The following SREK1 variants were observed in gnomAD, a reference collection of about 807,000 sequenced individuals.
SREK1 encodes the protein splicing regulatory glutamic acid and lysine rich protein 1.
A neutral mutation model predicts 66.5 loss-of-function variants in SREK1; 13 were observed. That is an observed-to-expected ratio of 0.20 (90% confidence interval 0.13 to 0.31). SREK1 has a LOEUF of 0.31. Ranked by LOEUF, SREK1 falls within the 10% of genes least tolerant of loss-of-function variation. The pLI is 1.00. For synonymous variants in SREK1, 265 were observed against 263.5 expected (o/e 1.01, Z -0.05); for missense variants, 607 against 769.6 (o/e 0.79, Z 2.50).
chr5:66,157,355 T>C (rs1744372405), intron 2 of SREK1: 5 of 982,996 alleles, frequency 5.1e-6, no homozygotes, highest in Non-Finnish European at 6.0e-6. Context: ...ATAGGTAGTT[T>C]TACTTATTAA....
chr5:66,170,125 C>G lies in SREK1; in HGVS notation c.1076C>G (p.Ser359Cys), dbSNP rs1745506631. ...RRSKSPHKKR[S>C]KSRERRKSRS... ...TCTAAGAGCCCACATAAAAAACGCT[C>G]TAAATCAAGGGAGAGACGGAAGTCA... Residue 359 changes from serine to cysteine, a missense_variant, in exon 8 of 12, where the codon TCT becomes TGT. Physicochemically the swap from Ser to Cys is moderately radical, Grantham distance 112. Coordinates refer to ENST00000334121, the MANE Select transcript of SREK1 (RefSeq NM_001077199.3). 1 of 1,613,036 alleles carries G rather than the reference C, an allele frequency of 6.2e-7. No homozygotes were observed. The highest frequency in any genetic ancestry group is 1.1e-5 in the South Asian group (1 of 90,912).
At chr5:66,151,222 G>A (rs1287830797) in intron 1 of SREK1, among the ~76,000 whole-genome samples, 1 of 152,146 alleles carries the variant, frequency 6.6e-6, no homozygotes, top group African/African-American at 2.4e-5. Flanking sequence ...AAGTTGATGA[G>A]TCCCAGCCAT....
rs779368425 is a variant in SREK1, at chr5:66,153,607, C to G, written c.295+11C>G. 1 of 1,613,756 alleles carries G rather than the reference C, an allele frequency of 6.2e-7. No homozygotes were observed. Among genetic ancestry groups the G allele is most frequent in the Non-Finnish European group, 8.5e-7 (1 of 1,179,872 alleles). On this transcript the variant is annotated intron_variant, in intron 2 of 11. Coordinates refer to ENST00000334121, the MANE Select transcript of SREK1 (RefSeq NM_001077199.3). ...TTCCTTGTGCAGAAGGTTGGTATCTCGCTTTTTTTCCTCTTATTTGAATTT... is the reference window on the plus strand; with the variant it reads ...TTCCTTGTGCAGAAGGTTGGTATCTGGCTTTTTTTCCTCTTATTTGAATTT...
chr5:66,153,368 A>G, intron 1 of SREK1, 95 bp from the exon 2 acceptor site: 2 of 1,475,930 alleles, frequency 1.4e-6, no homozygotes, highest in Non-Finnish European at 9.1e-7. Context: ...TTAATTTCGT[A>G]AGATTATGTA....
chr5:66,147,193 T>C (rs909650522), intron 1 of SREK1, among the ~76,000 whole-genome samples: 2 of 152,254 alleles, frequency 1.3e-5, no homozygotes, highest in African/African-American at 4.8e-5. Context: ...TAGGGAATTC[T>C]TGTGAACATT....
intron 11 of SREK1, among the ~76,000 whole-genome samples, chr5:66,178,432 C>G (rs547561856): frequency 6.6e-6 from 1 of 152,060 alleles, no homozygotes; most frequent in African/African-American, 2.4e-5. Flanking sequence ...TTCACTCTTT[C>G]AATAGATCTG....
Position 66,170,786 on chromosome 5 carries a change from T to C in SREK1, c.1323T>C (p.His441=), listed in dbSNP as rs894401732. The C allele has an allele frequency of 1.2e-6, 2 of 1,603,938 alleles. No homozygotes were observed. Among genetic ancestry groups the C allele is most frequent in the African/African-American group, 1.4e-5 (1 of 73,482 alleles). Residue 441 remains histidine, a synonymous_variant, in exon 9 of 12, where the codon CAT becomes CAC. Transcript: ENST00000334121. ...KDREREREKE[H]EKDRDKEKEK... ...GAGAGAGAGAACGGGAAAAAGAGCA[T>C]GAGAAGGATCGAGACAAAGAGAAGG...
intron 5 of SREK1, chr5:66,163,155 A>G (rs1377507236): frequency 1.3e-5 from 2 of 152,196 alleles, no homozygotes; most frequent in Non-Finnish European, 2.9e-5. Flanking sequence ...TGAATTTCAT[A>G]GATTGCTTTA....
chr5:66,147,181 G>A (rs1743314188), intron 1 of SREK1, among the ~76,000 whole-genome samples: 2 of 152,096 alleles, frequency 1.3e-5, no homozygotes, highest in African/African-American at 2.4e-5. Flanking sequence ...ATTTTTTAAG[G>A]CTAGGGAATT....
At chr5:66,145,883 C>T (rs1743149884) in intron 1 of SREK1, among the ~76,000 whole-genome samples, 1 of 150,806 alleles carries the variant, frequency 6.6e-6, no homozygotes, top group African/African-American at 2.4e-5. Context: ...TTTAAAGATT[C>T]TAAAGTCGTG....
At chr5:66,156,120 G>C in intron 2 of SREK1, 1 of 1,483,476 alleles carries the variant, frequency 6.7e-7, no homozygotes, top group Non-Finnish European at 8.9e-7. Context: ...GGCATTGTTT[G>C]CCATGCCACT....
At chr5:66,146,232 A>G (rs954064896) in intron 1 of SREK1, among the ~76,000 whole-genome samples, 1 of 152,168 alleles carries the variant, frequency 6.6e-6, no homozygotes, top group Non-Finnish European at 1.5e-5. Context: ...ATTGGAATCA[A>G]TCAGTAAAAT....
intron 9 of SREK1, 115 bp downstream of exon 9, chr5:66,171,062 A>G (rs2112080490): frequency 7.9e-7 from 1 of 1,265,984 alleles, no homozygotes. Flanking sequence ...AAAGTAATAT[A>G]AGAACATTTT....
chr5:66,162,103 C>T lies in SREK1; in HGVS notation c.412-6C>T, dbSNP rs569530351. 23 of 1,601,592 alleles carry T rather than the reference C, an allele frequency of 1.4e-5. No homozygotes were observed. The highest frequency in any genetic ancestry group is 7.0e-5 in the Admixed American group (4 of 57,092). On this transcript the variant is annotated splice_polypyrimidine_tract_variant and splice_region_variant and intron_variant, in intron 3 of 11. Coordinates refer to ENST00000334121, the MANE Select transcript of SREK1 (RefSeq NM_001077199.3). ...GTTCTGTGTGTTTTTTTTCTTCTTT[C>T]GATAGCTTGGTGTTTCACTTAGCAG...
intron 11 of SREK1, among the ~76,000 whole-genome samples, chr5:66,177,910 A>G (rs944544317): frequency 1.2e-4 from 19 of 152,148 alleles, no homozygotes; most frequent in African/African-American, 4.3e-4. Flanking sequence ...AGAAATCAAC[A>G]GTAACAAATG....
chr5:66,174,861 A>G, intron 9 of SREK1, 85 bp from the exon 10 acceptor site: 1 of 1,262,168 alleles, frequency 7.9e-7, no homozygotes, highest in Non-Finnish European at 1.1e-6. Context: ...ATATGAGAAT[A>G]TCAAGGACCC....
intron 7 of SREK1, chr5:66,166,734 G>T (rs994312696): frequency 2.0e-5 from 3 of 152,136 alleles, no homozygotes; most frequent in African/African-American, 7.2e-5. Context: ...CTCCAAAAGT[G>T]CTGGGATTAT....
At chr5:66,158,992 T>C (rs1011401161) in intron 2 of SREK1, 47 of 1,383,754 alleles carry the variant, frequency 3.4e-5, no homozygotes, top group Non-Finnish European at 4.4e-5. Context: ...TAAAATAATA[T>C]TCCATTAATG....
At chr5:66,155,876 T>C (rs1744244635) in intron 2 of SREK1, among the ~76,000 whole-genome samples, 1 of 152,222 alleles carries the variant, frequency 6.6e-6, no homozygotes. Context: ...ATGACCTCTT[T>C]TTGTTGTTGC....
Sources: gnomAD v4.1 joint callset for allele counts (sites outside exome capture counted in the v4.1 genomes callset) on GRCh38, gnomAD v4.1.1 for gene constraint, MANE v1.5 for transcripts, NCBI Gene and HGNC (gene_info 2026-07-23, HGNC 2026-07-21) for gene names.